MPDZ: variants seen among roughly 807,000 people sequenced by gnomAD.
The protein encoded by MPDZ is multiple PDZ domain crumbs cell polarity complex component.
Under a neutral mutation model 239.1 loss-of-function variants are expected in MPDZ, and 234 were observed. The observed-to-expected ratio is 0.98, with a 90% CI of 0.88 to 1.09. The LOEUF is 1.09. Ranked by LOEUF, MPDZ falls within the 50% of genes least tolerant of loss-of-function variation. The probability of loss-of-function intolerance (pLI) is 0.00; values close to 1 mark genes in which losing one functional copy is unlikely to be tolerated. For synonymous variants in MPDZ, 1,048 were observed against 881.3 expected, an observed-to-expected ratio of 1.19 and a Z score of -3.35; for missense variants, 3,175 against 2,510.0, an observed-to-expected ratio of 1.26 and a Z score of -5.66.
At chr9:13,202,780 G>A (rs1956540875) in intron 12 of MPDZ, among the ~76,000 whole-genome samples, 1 of 152,202 alleles carries the variant, frequency 6.6e-6, no homozygotes, top group Non-Finnish European at 1.5e-5. Context: ...GTGCAGCTCA[G>A]CCTAAAATTA....
At chr9:13,232,870 A>G (rs1962909872) in intron 3 of MPDZ, among the ~76,000 whole-genome samples, 1 of 151,128 alleles carries the variant, frequency 6.6e-6, no homozygotes, top group African/African-American at 2.4e-5. Context: ...GGGTGGAAAA[A>G]AAAAAAAAAA....
At chr9:13,231,622 C>T (rs1290906721) in intron 3 of MPDZ, among the ~76,000 whole-genome samples, 1 of 151,710 alleles carries the variant, frequency 6.6e-6, no homozygotes, top group African/African-American at 2.4e-5. Context: ...AAAATCCCCC[C>T]TCCCCGCAAA....
intron 1 of MPDZ, among the ~76,000 whole-genome samples, chr9:13,256,380 T>C (rs1969442169): frequency 6.6e-6 from 1 of 152,230 alleles, no homozygotes; most frequent in Non-Finnish European, 1.5e-5. Context: ...TTCCTTTGCA[T>C]TCACAACTTG....
chr9:13,112,112 C>G lies in MPDZ; in HGVS notation c.5636G>C (p.Gly1879Ala). The change falls in exon 43 of 47, where the codon GGA becomes GCA. Residue 1879 changes from glycine (G) to alanine (A), a missense_variant. Coordinates refer to ENST00000319217, the MANE Select transcript of MPDZ (RefSeq NM_001378778.1). ...ATCACCAAGTGGGCTGCCTACTCCT[C>G]CAGCGATGCTGATTCCCAGTGAGTC... ...PTDSLGISIA[G>A]GVGSPLGDVP... The G allele has an allele frequency of 6.8e-6, 11 of 1,613,332 alleles. No homozygotes were observed. The highest frequency in any genetic ancestry group is 9.3e-6 in the Non-Finnish European group (11 of 1,179,448).
chr9:13,163,560 C>T (rs1166628178), intron 22 of MPDZ, among the ~76,000 whole-genome samples: 1 of 152,138 alleles, frequency 6.6e-6, no homozygotes, highest in Admixed American at 6.6e-5. Context: ...AAGTCTACTG[C>T]TGTCCTGCTG....
chr9:13,138,161 C>T lies in MPDZ; in HGVS notation c.4004-8G>A. On this transcript the variant is annotated splice_region_variant and splice_polypyrimidine_tract_variant and intron_variant, in intron 28 of 46. Transcript: ENST00000319217. ...AACGCTCTCTGATATTTTCTACATA[C>T]AACAACAACAACAAATACATATTTA... is the stretch of plus-strand genomic sequence containing the variant. 1 of 1,523,242 alleles carries T rather than the reference C, an allele frequency of 6.6e-7. No individual in the cohort carries two copies. The highest frequency in any genetic ancestry group is 1.3e-5 in the South Asian group (1 of 74,748). 94.4% of individuals were successfully genotyped at this position (1,523,242 alleles called of 1,614,324 possible).
intron 32 of MPDZ, among the ~76,000 whole-genome samples, chr9:13,131,759 G>T (rs549305500): frequency 3.2e-4 from 48 of 152,238 alleles, no homozygotes; most frequent in African/African-American, 1.1e-3. Context: ...GCTTCTGTAC[G>T]TTAAGTCCCT....
chr9:13,244,302 A>G (rs1966084628), intron 3 of MPDZ, among the ~76,000 whole-genome samples: 3 of 152,146 alleles, frequency 2.0e-5, no homozygotes, highest in African/African-American at 7.2e-5. Flanking sequence ...TATTTCCCCC[A>G]CAATAGCTGG....
At chr9:13,222,163 G>C (rs1959171782) in intron 6 of MPDZ, 70 bp downstream of exon 6, 3 of 1,302,448 alleles carry the variant, frequency 2.3e-6, no homozygotes, top group Non-Finnish European at 3.2e-6. Flanking sequence ...ACACAAATTA[G>C]AAACTTGGAG....
chr9:13,183,038 C>T (rs1953575302), intron 19 of MPDZ, among the ~76,000 whole-genome samples: 1 of 152,222 alleles, frequency 6.6e-6, no homozygotes, highest in African/African-American at 2.4e-5. Flanking sequence ...TACTATCCAA[C>T]TTTGCATAGA....
chr9:13,134,925 C>G (rs1169053160), intron 31 of MPDZ: 1 of 152,402 alleles, frequency 6.6e-6, no homozygotes, highest in Non-Finnish European at 1.5e-5. Flanking sequence ...TCTTGGTTAG[C>G]CTTCCTCCTT....
rs761154707 is a variant in MPDZ at position 13,110,717 on chromosome 9, G to A, written c.5748C>T (p.Ile1916=). 6.2e-7 allele frequency: 1 copy of A among 1,613,408 alleles called. No homozygotes were observed. Among genetic ancestry groups the A allele is most frequent in the Admixed American group, 1.7e-5 (1 of 59,964 alleles). The change falls in exon 44 of 47, where the codon ATC becomes ATT. Residue 1916 remains isoleucine (I), a synonymous_variant. Transcript: ENST00000319217. ...KLRVGDRIVT[I]CGTSTEGMTH... is the part of the protein sequence containing the mutation. ...TCATGCCCTCAGTGGATGTGCCACA[G>A]ATGGTGACAATCCTATCCCCAACCT... is the stretch of plus-strand genomic sequence containing the variant.
In MPDZ at chr9:13,140,095, G is replaced by C. The variant is rs371070344; in HGVS notation, c.3895C>G (p.Pro1299Ala). 3.1e-6 allele frequency: 5 copies of C among 1,613,280 alleles called. No individual in the cohort carries two copies. The highest frequency in any genetic ancestry group is 1.3e-5 in the African/African-American group (1 of 74,784). The part of the protein sequence containing the change: ...PEKAPLCSVP[P>A]PPPSAFAEMG... The stretch of plus-strand genomic sequence containing the variant: ...TCGGCAAAGGCTGAAGGAGGGGGTG[G>C]GGGCACACTGCACAATGGAGCCTTC... Residue 1299 changes from proline (P) to alanine (A), a missense_variant, in exon 28 of 47, where the codon CCA (proline) becomes GCA (alanine). By Grantham distance (27) the Pro-to-Ala change is conservative (BLOSUM62 -1). Coordinates refer to ENST00000319217, the MANE Select transcript of MPDZ (RefSeq NM_001378778.1).
chr9:13,122,340 G>C (rs144103171), intron 36 of MPDZ, among the ~76,000 whole-genome samples, 170 bp from the exon 37 acceptor site: 1,535 of 152,160 alleles, frequency 0.01, 22 homozygotes, highest in African/African-American at 0.035. Flanking sequence ...AACAATTTTT[G>C]CTAAAAGGCT....
At position 13,188,782 on chromosome 9, in the gene MPDZ, A is replaced by G; in HGVS notation, c.2364+2T>C. The G allele has an allele frequency of 6.2e-7, 1 of 1,608,474 alleles. No individual in the cohort carries two copies. The highest frequency in any genetic ancestry group is 8.5e-7 in the Non-Finnish European group (1 of 1,176,338). ...GGGAAGCAATAAAGTCTGAATTCTTACGGGTAAAGGCTTAGCAACTCCTAT... is the reference window on the plus strand; with the variant it reads ...GGGAAGCAATAAAGTCTGAATTCTTGCGGGTAAAGGCTTAGCAACTCCTAT... On this transcript the variant is annotated splice_donor_variant, in intron 17 of 46. Coordinates refer to ENST00000319217, the MANE Select transcript of MPDZ (RefSeq NM_001378778.1). LOFTEE classifies it high-confidence loss of function.
intron 24 of MPDZ, among the ~76,000 whole-genome samples, chr9:13,154,734 C>T (rs564318097): frequency 1.3e-5 from 2 of 152,194 alleles, no homozygotes; most frequent in African/African-American, 4.8e-5. Context: ...GAAACTCAAT[C>T]CATACAACAA....
At chr9:13,264,352 A>G (rs1971335184) in intron 1 of MPDZ, among the ~76,000 whole-genome samples, 1 of 152,146 alleles carries the variant, frequency 6.6e-6, no homozygotes, top group Non-Finnish European at 1.5e-5. Flanking sequence ...TTCCAGAATT[A>G]TATATATTTT....
chr9:13,234,994 C>T (rs995347236), intron 3 of MPDZ, among the ~76,000 whole-genome samples: 3 of 152,156 alleles, frequency 2.0e-5, no homozygotes, highest in Middle Eastern at 6.8e-3. Context: ...AACATGATAG[C>T]AATCACAAGA....
intron 12 of MPDZ, among the ~76,000 whole-genome samples, chr9:13,198,445 GA>G (rs1469459509): frequency 6.6e-6 from 1 of 151,804 alleles, no homozygotes; most frequent in Non-Finnish European, 1.5e-5. Context: ...CAGATTATTT[GA>G]TTTTTTTTCT....
Sources: gnomAD v4.1 joint callset for allele counts (sites outside exome capture counted in the v4.1 genomes callset) on GRCh38, gnomAD v4.1.1 for gene constraint, MANE v1.5 for transcripts, NCBI Gene and HGNC (gene_info 2026-07-23, HGNC 2026-07-21) for gene names.